ERBIN: variants seen among roughly 807,000 people sequenced by gnomAD.
ERBIN encodes erbb2 interacting protein, also known as densin-180-like protein.
Under a neutral mutation model 158.4 loss-of-function variants are expected in ERBIN, and 60 were observed. That is an observed-to-expected ratio of 0.38 (90% CI 0.31 to 0.47). The LOEUF (loss-of-function observed/expected upper bound fraction) is 0.47. Ranked by LOEUF, ERBIN falls within the 20% of genes least tolerant of loss-of-function variation. ERBIN has a pLI of 0.99. For missense variants in ERBIN, 1,610 were observed against 1,648.0 expected (o/e 0.98, Z 0.40); for synonymous variants, 594 against 557.2 (o/e 1.07, Z -0.93).
intron 14 of ERBIN, among the ~76,000 whole-genome samples, chr5:66,035,677 T>A (rs924049604): frequency 1.3e-5 from 2 of 152,208 alleles, no homozygotes; most frequent in Non-Finnish European, 2.9e-5. Flanking sequence ...AGATAATATA[T>A]ATGGTCATAT....
chr5:66,051,617 C>G (rs1759026438), intron 20 of ERBIN, among the ~76,000 whole-genome samples: 1 of 152,126 alleles, frequency 6.6e-6, no homozygotes, highest in Admixed American at 6.5e-5. Context: ...CTGGGCTGAG[C>G]ATGGTGGCTT....
chr5:66,049,971 C>G (rs1354284205), intron 19 of ERBIN, among the ~76,000 whole-genome samples: 1 of 151,948 alleles, frequency 6.6e-6, no homozygotes, highest in Middle Eastern at 3.2e-3. Context: ...AAGAGCTGAC[C>G]TTTGAAAATT....
At chr5:66,038,620 A>G in intron 15 of ERBIN, 138 bp downstream of exon 15, 1 of 585,812 alleles carries the variant, frequency 1.7e-6, no homozygotes. Flanking sequence ...TTTCGAAATA[A>G]TGGAAAAATA....
chr5:65,993,247 A>G (rs1752070815), intron 3 of ERBIN, among the ~76,000 whole-genome samples: 1 of 152,194 alleles, frequency 6.6e-6, no homozygotes, highest in African/African-American at 2.4e-5. Flanking sequence ...GTCTTTTCCT[A>G]CTTTTCATAA....
At chr5:65,999,761 C>T (rs1752835927) in intron 4 of ERBIN, among the ~76,000 whole-genome samples, 1 of 152,136 alleles carries the variant, frequency 6.6e-6, no homozygotes, top group Non-Finnish European at 1.5e-5. Flanking sequence ...TAAATGTCTG[C>T]CGTTTCAGAC....
chr5:66,042,268 G>A (rs1468839970), intron 15 of ERBIN, among the ~76,000 whole-genome samples: 1 of 151,926 alleles, frequency 6.6e-6, no homozygotes, highest in African/African-American at 2.4e-5. Flanking sequence ...GCACAACTAT[G>A]GAATGATATA....
rs1229856108 is a variant in ERBIN at position 66,074,443 on chromosome 5, TACAC to T, written c.3757-577_3757-574del. Among the ~76,000 whole-genome samples the T allele has an allele frequency of 3.3e-5, 5 of 152,292 alleles. No homozygotes were observed. The East Asian group carries it at 9.6e-4, about 29-fold the overall frequency. On this transcript the variant is annotated intron_variant, in intron 22 of 25. Coordinates refer to ENST00000284037, the MANE Select transcript of ERBIN (RefSeq NM_001253697.2). ...TAAGAGATTATAAACGTTGCTAACA[TACAC>T]ACAAGGAATAAATCAGTTTTCTACA...
intron 1 of ERBIN, among the ~76,000 whole-genome samples, chr5:65,934,280 G>T (rs1743808634): frequency 6.6e-6 from 1 of 152,150 alleles, no homozygotes; most frequent in African/African-American, 2.4e-5. Context: ...ATCAAAATCA[G>T]AAAGTAAACA....
rs144397945 is a variant in ERBIN at position 66,072,089 on chromosome 5, A to C, written c.3634-80A>C. 1.6e-4 allele frequency: 228 copies of C among 1,436,434 alleles called. 6 individuals carry two copies. The South Asian group carries it at 3.1e-3, about 20-fold the overall frequency. 89.0% of individuals were successfully genotyped at this position (1,436,434 alleles called of 1,614,324 possible). ...GCACTATTTGGCAATATTTTTTCCT[A>C]ATCTTCTCTCAAGTGTCATCCTCTT... On this transcript the variant is annotated intron_variant, in intron 21 of 25. Transcript: ENST00000284037.
At chr5:66,046,977 A>T (rs937548274) in intron 18 of ERBIN, among the ~76,000 whole-genome samples, 1 of 152,150 alleles carries the variant, frequency 6.6e-6, no homozygotes, top group African/African-American at 2.4e-5. Flanking sequence ...ATTGAGATAT[A>T]ACTCACATAT....
intron 1 of ERBIN, among the ~76,000 whole-genome samples, chr5:65,948,621 A>G (rs1295562295): frequency 6.6e-6 from 1 of 152,148 alleles, no homozygotes; most frequent in East Asian, 1.9e-4. Flanking sequence ...GATAACATAG[A>G]CATAGCCATT....
intron 1 of ERBIN, among the ~76,000 whole-genome samples, chr5:65,952,856 C>T (rs144012844): frequency 2.8e-4 from 42 of 152,196 alleles, no homozygotes; most frequent in Middle Eastern, 3.4e-3. Context: ...GACATGCTTG[C>T]GCTTAACTTT....
chr5:66,015,659 G>A (rs1316556778), intron 7 of ERBIN, among the ~76,000 whole-genome samples: 1 of 152,100 alleles, frequency 6.6e-6, no homozygotes, highest in Non-Finnish European at 1.5e-5. Context: ...AACAAAGCGA[G>A]ACCCCCATCT....
intron 4 of ERBIN, among the ~76,000 whole-genome samples, chr5:65,996,262 T>G (rs1752429140): frequency 1.3e-5 from 2 of 150,662 alleles, no homozygotes; most frequent in African/African-American, 4.9e-5. Context: ...TTTTTTTTTT[T>G]TTTAACAGTT....
chr5:66,078,788 C>A lies in ERBIN; in HGVS notation c.*258C>A. 2.4e-6 allele frequency: 1 copy of A among 409,260 alleles called. No individual in the cohort carries two copies. Among genetic ancestry groups the A allele is most frequent in the South Asian group, 3.1e-5 (1 of 31,764 alleles). 25.4% of individuals were successfully genotyped at this position (409,260 alleles called of 1,614,324 possible). ...AGCAATCAAGGCTACAAAAACAAACCTGTGTTGTTTTTGTATAGATTGTAG... is the reference window on the plus strand; with the variant it reads ...AGCAATCAAGGCTACAAAAACAAACATGTGTTGTTTTTGTATAGATTGTAG... On this transcript the variant is annotated 3_prime_UTR_variant, in exon 26 of 26. Transcript: ENST00000284037.
At position 65,937,852 on chromosome 5, in the gene ERBIN, T is replaced by C. The variant is rs1021050599; in HGVS notation, c.-58+11046T>C. ...TGAACCCGGGAGGCGGAGCTTGTAG[T>C]GAGCCGAGATCGTGCCACTGCACCC... On this transcript the variant is annotated intron_variant, in intron 1 of 25. Coordinates refer to ENST00000284037, the MANE Select transcript of ERBIN (RefSeq NM_001253697.2). Among the ~76,000 whole-genome samples, 11 of 152,252 alleles carry C rather than the reference T, an allele frequency of 7.2e-5. No homozygotes were observed. The East Asian group carries it at 2.1e-3, about 29-fold the overall frequency.
At chr5:66,031,206 A>G (rs914776918) in intron 14 of ERBIN, among the ~76,000 whole-genome samples, 2 of 152,238 alleles carry the variant, frequency 1.3e-5, no homozygotes, top group African/African-American at 4.8e-5. Flanking sequence ...TTGTTCTACT[A>G]TTTAATGTTT....
At chr5:66,023,995 A>G (rs1450383840) in intron 9 of ERBIN, among the ~76,000 whole-genome samples, 1 of 152,114 alleles carries the variant, frequency 6.6e-6, no homozygotes, top group Non-Finnish European at 1.5e-5. Flanking sequence ...TGTTTTAACA[A>G]CTGACAAATT....
At chr5:65,998,413 G>C (rs1752675572) in intron 4 of ERBIN, among the ~76,000 whole-genome samples, 1 of 151,772 alleles carries the variant, frequency 6.6e-6, no homozygotes, top group South Asian at 2.1e-4. Flanking sequence ...TTAGTGGTTA[G>C]TGCCGTACTG....
Sources: gnomAD v4.1 joint callset for allele counts (sites outside exome capture counted in the v4.1 genomes callset) on GRCh38, gnomAD v4.1.1 for gene constraint, MANE v1.5 for transcripts, NCBI Gene and HGNC (gene_info 2026-07-23, HGNC 2026-07-21) for gene names.